CSRNP3: variants seen among roughly 807,000 people sequenced by gnomAD.
CSRNP3 encodes cysteine and serine rich nuclear protein 3, also known as cysteine/serine-rich nuclear protein 3.
A neutral mutation model predicts 48.0 loss-of-function variants in CSRNP3; 12 were observed. The observed-to-expected ratio is 0.25, with a 90% CI of 0.16 to 0.41. The LOEUF is 0.41. Ranked by LOEUF, CSRNP3 falls within the 10% of genes least tolerant of loss-of-function variation. CSRNP3 has a pLI of 1.00. For synonymous variants in CSRNP3, 263 were observed against 269.7 expected, an observed-to-expected ratio of 0.98 and a Z score of 0.24; for missense variants, 580 against 724.4, an observed-to-expected ratio of 0.80 and a Z score of 2.29.
At chr2:165,553,044 A>G (rs116067795) in intron 3 of CSRNP3, among the ~76,000 whole-genome samples, 20 of 152,242 alleles carry the variant, frequency 1.3e-4, no homozygotes, top group African/African-American at 4.8e-4. Context: ...TGATTCTTCC[A>G]GTGGTAGTTT....
Position 165,517,963 on chromosome 2 carries a change from T to C in CSRNP3, c.-24+2T>C, listed in dbSNP as rs1684602618. On this transcript the variant is annotated splice_donor_variant, in intron 3 of 6. Transcript: ENST00000651982. LOFTEE classifies it low-confidence loss of function (5UTR_SPLICE). Reference sequence around the variant, plus strand: ...TACTGGAGTTCCTGAGATCTCAAGGTTAGCAGTTTATACATTATTATTCTC... The same window carrying C: ...TACTGGAGTTCCTGAGATCTCAAGGCTAGCAGTTTATACATTATTATTCTC... 1 of 152,366 alleles carries C rather than the reference T, an allele frequency of 6.6e-6. No individual in the cohort carries two copies. The highest frequency in any genetic ancestry group is 1.5e-5 in the Non-Finnish European group (1 of 67,830). The allele number at this position is 152,366 out of a possible 1,614,324, so 9.4% of individuals were successfully genotyped here.
At chr2:165,532,716 C>G (rs1257424358) in intron 3 of CSRNP3, among the ~76,000 whole-genome samples, 1 of 152,038 alleles carries the variant, frequency 6.6e-6, no homozygotes, top group African/African-American at 2.4e-5. Flanking sequence ...CCAGGGTGAT[C>G]AGGCAGGAGA....
intron 3 of CSRNP3, among the ~76,000 whole-genome samples, chr2:165,563,874 AG>A (rs1464307504): frequency 2.0e-5 from 3 of 152,100 alleles, no homozygotes; most frequent in Non-Finnish European, 2.9e-5. Context: ...AACTTAAACA[AG>A]TACCACATCC....
intron 5 of CSRNP3, among the ~76,000 whole-genome samples, chr2:165,670,030 T>G (rs933460779): frequency 3.9e-5 from 6 of 152,212 alleles, no homozygotes; most frequent in African/African-American, 1.4e-4. Flanking sequence ...TTATCTACTT[T>G]TAGCTCTTCA....
At chr2:165,655,527 C>T (rs1686988491) in intron 4 of CSRNP3, among the ~76,000 whole-genome samples, 1 of 152,156 alleles carries the variant, frequency 6.6e-6, no homozygotes, top group Non-Finnish European at 1.5e-5. Flanking sequence ...AGGATTTCTT[C>T]TCAGTTCATT....
intron 4 of CSRNP3, among the ~76,000 whole-genome samples, chr2:165,651,175 G>A (rs1686896445): frequency 6.6e-6 from 1 of 152,212 alleles, no homozygotes; most frequent in South Asian, 2.1e-4. Flanking sequence ...TGCATGCAGA[G>A]ATGGCCAAAC....
chr2:165,556,878 T>C (rs1685166837), intron 3 of CSRNP3, among the ~76,000 whole-genome samples: 1 of 152,206 alleles, frequency 6.6e-6, no homozygotes, highest in Non-Finnish European at 1.5e-5. Flanking sequence ...ATAGTTAGCC[T>C]GAACACACTG....
chr2:165,558,051 T>A (rs1303151192), intron 3 of CSRNP3, among the ~76,000 whole-genome samples: 1 of 152,080 alleles, frequency 6.6e-6, no homozygotes, highest in Non-Finnish European at 1.5e-5. Flanking sequence ...ATAAACACTA[T>A]ACAAAGAGAA....
intron 3 of CSRNP3, among the ~76,000 whole-genome samples, chr2:165,572,994 T>C (rs1685395290): frequency 6.6e-6 from 1 of 152,116 alleles, no homozygotes; most frequent in South Asian, 2.1e-4. Flanking sequence ...AATTAGATAA[T>C]ATATCATTCA....
chr2:165,575,918 T>G (rs1434473663), intron 3 of CSRNP3, among the ~76,000 whole-genome samples: 1 of 151,942 alleles, frequency 6.6e-6, no homozygotes, highest in Non-Finnish European at 1.5e-5. Flanking sequence ...TCTAAAGTGT[T>G]TCTCTTTTGA....
chr2:165,517,181 G>C (rs1684592913), intron 2 of CSRNP3, among the ~76,000 whole-genome samples: 1 of 151,882 alleles, frequency 6.6e-6, no homozygotes. Flanking sequence ...ATACATTTTA[G>C]TCTGGGTAAA....
chr2:165,622,895 G>A (rs1038105218), intron 4 of CSRNP3, among the ~76,000 whole-genome samples: 1 of 152,064 alleles, frequency 6.6e-6, no homozygotes, highest in Non-Finnish European at 1.5e-5. Context: ...CTCCATTACA[G>A]TCTATACTCA....
In CSRNP3 at chr2:165,685,676, G is replaced by A. The variant is rs1176120220; in HGVS notation, c.*5923G>A. ...TGTGATAAATATATCACTATACAGG[G>A]TAATTGCTTTTATAAATTTGATCCT... On this transcript the variant is annotated 3_prime_UTR_variant, in exon 7 of 7. Transcript: ENST00000651982. 6.6e-6 allele frequency: 1 copy of A among 152,012 alleles called. No homozygotes were observed. The highest frequency in any genetic ancestry group is 1.5e-5 in the Non-Finnish European group (1 of 67,970). The allele number at this position is 152,012 out of a possible 1,614,324, so 9.4% of individuals were successfully genotyped here.
At chr2:165,543,104 A>G (rs1353196996) in intron 3 of CSRNP3, among the ~76,000 whole-genome samples, 1 of 152,112 alleles carries the variant, frequency 6.6e-6, no homozygotes, top group Non-Finnish European at 1.5e-5. Flanking sequence ...TGGCTGAAGT[A>G]TCCATTGACT....
intron 1 of CSRNP3, among the ~76,000 whole-genome samples, chr2:165,491,966 A>AAAAAC: frequency 1.3e-5 from 2 of 151,154 alleles, no homozygotes; most frequent in East Asian, 3.9e-4. Context: ...AAAAAAAAAA[A>AAAAAC]ACAAAGCTAG....
chr2:165,630,553 G>T (rs1375707871), intron 4 of CSRNP3, among the ~76,000 whole-genome samples: 1 of 152,124 alleles, frequency 6.6e-6, no homozygotes, highest in Non-Finnish European at 1.5e-5. Context: ...TCTTCAGCTG[G>T]ACAGCAACAA....
At chr2:165,491,011 C>A (rs1684198582) in intron 1 of CSRNP3, among the ~76,000 whole-genome samples, 2 of 138,616 alleles carry the variant, frequency 1.4e-5, no homozygotes, top group Admixed American at 7.5e-5. Context: ...AGTGAACAGG[C>A]AACCTACAAC....
chr2:165,499,377 A>G (rs1684327269), intron 2 of CSRNP3, among the ~76,000 whole-genome samples: 1 of 152,170 alleles, frequency 6.6e-6, no homozygotes, highest in African/African-American at 2.4e-5. Context: ...GTGCAAGTGA[A>G]TGCAGGAAGG....
At chr2:165,594,053 C>T (rs1159743936) in intron 3 of CSRNP3, among the ~76,000 whole-genome samples, 1 of 152,080 alleles carries the variant, frequency 6.6e-6, no homozygotes, top group Non-Finnish European at 1.5e-5. Flanking sequence ...TGAATTTTGT[C>T]TTTAGACTTG....
Sources: gnomAD v4.1 joint callset for allele counts (sites outside exome capture counted in the v4.1 genomes callset) on GRCh38, gnomAD v4.1.1 for gene constraint, MANE v1.5 for transcripts, NCBI Gene and HGNC (gene_info 2026-07-23, HGNC 2026-07-21) for gene names.